GALNT17: variants seen among roughly 807,000 people sequenced by gnomAD.
GALNT17 encodes the protein polypeptide N-acetylgalactosaminyltransferase 17, also known as UDP-GalNAc:polypeptide N-acetylgalactosaminyltransferase-like 3.
Under a neutral mutation model 63.7 loss-of-function variants are expected in GALNT17, and 29 were observed. The ratio of observed to expected loss-of-function variants is 0.46; its 90% CI spans 0.34 to 0.62. The LOEUF (loss-of-function observed/expected upper bound fraction) is 0.62, where lower values mean the gene tolerates loss of function less well. Among genes scored for constraint, GALNT17 ranks in the 20% least tolerant of loss-of-function variants. The pLI is 0.01. For missense variants in GALNT17, 603 were observed against 799.6 expected (o/e 0.75, Z 2.97); for synonymous variants, 305 against 318.3 (o/e 0.96, Z 0.45).
intron 3 of GALNT17, among the ~76,000 whole-genome samples, chr7:71,411,210 C>T (rs112702415): frequency 0.045 from 6,912 of 151,942 alleles, 559 homozygotes; most frequent in African/African-American, 0.16. Context: ...AACCCCTGCC[C>T]CCTGGGTTCA....
Position 71,571,313 on chromosome 7 carries a change from G to T in GALNT17, c.991G>T (p.Val331Leu). ...CCCAGCCATGATAGGCTGCTCGTTC[G>T]TGGTCAACAGGAAGTTCTTCGGTGA... Reference protein sequence around the residue: ...RTPAMIGCSFVVNRKFFGEIG... With the variant: ...RTPAMIGCSFLVNRKFFGEIG... The change falls in exon 6 of 11, where the codon GTG (valine) becomes TTG (leucine). Residue 331 changes from valine (V) to leucine (L), a missense_variant. Around this residue, in one of 3 missense-constraint regions of GALNT17, gnomAD observed 336 missense variants for 507.8 expected, o/e 0.66. Coordinates refer to ENST00000333538, the MANE Select transcript of GALNT17 (RefSeq NM_022479.3). 2.5e-6 allele frequency: 4 copies of T among 1,614,032 alleles called. No individual in the cohort carries two copies. Among genetic ancestry groups the T allele is most frequent in the Non-Finnish European group, 3.4e-6 (4 of 1,179,936 alleles).
At chr7:71,419,557 G>C (rs1188997526) in intron 4 of GALNT17, among the ~76,000 whole-genome samples, 1 of 152,210 alleles carries the variant, frequency 6.6e-6, no homozygotes, top group Non-Finnish European at 1.5e-5. Context: ...ATAAGGTGGG[G>C]AAAATGATCT....
intron 9 of GALNT17, among the ~76,000 whole-genome samples, chr7:71,702,624 T>C (rs912008773): frequency 6.6e-6 from 1 of 152,114 alleles, no homozygotes; most frequent in African/African-American, 2.4e-5. Context: ...TTAAATAATA[T>C]AGTATTTTAA....
intron 1 of GALNT17, among the ~76,000 whole-genome samples, chr7:71,178,651 T>C (rs540613994): frequency 2.6e-5 from 4 of 152,226 alleles, no homozygotes; most frequent in Non-Finnish European, 5.9e-5. Context: ...CAGATGCTTC[T>C]GCTATCTTTG....
At chr7:71,294,535 T>C (rs147697739) in intron 1 of GALNT17, among the ~76,000 whole-genome samples, 2,811 of 150,426 alleles carry the variant, frequency 0.019, 30 homozygotes, top group Middle Eastern at 0.034. Context: ...ATGCCTCAGC[T>C]TCCCAAGTAG....
chr7:71,517,321 C>G (rs562426121), intron 5 of GALNT17, among the ~76,000 whole-genome samples: 12 of 152,228 alleles, frequency 7.9e-5, no homozygotes, highest in Admixed American at 4.6e-4. Flanking sequence ...ATCATTGGGG[C>G]CCCACTCACA....
chr7:71,500,437 G>A (rs1323074697), intron 5 of GALNT17, among the ~76,000 whole-genome samples: 2 of 152,180 alleles, frequency 1.3e-5, no homozygotes, highest in African/African-American at 4.8e-5. Context: ...ACCATCATGA[G>A]TGACTTTGGT....
chr7:71,488,811 GC>G (rs1787956632), intron 5 of GALNT17, among the ~76,000 whole-genome samples: 1 of 147,848 alleles, frequency 6.8e-6, no homozygotes, highest in African/African-American at 2.5e-5. Flanking sequence ...CGAATTCCTG[GC>G]CTCAAGTGAT....
intron 1 of GALNT17, among the ~76,000 whole-genome samples, chr7:71,225,912 G>GAGACAAGTT (rs1789671841): frequency 1.3e-5 from 2 of 152,148 alleles, no homozygotes; most frequent in Non-Finnish European, 2.9e-5. Flanking sequence ...GTTAAAAAAA[G>GAGACAAGTT]AGACAAGTTA....
intron 6 of GALNT17, among the ~76,000 whole-genome samples, chr7:71,622,507 G>C (rs559198901): frequency 5.9e-5 from 9 of 152,172 alleles, no homozygotes; most frequent in Admixed American, 5.2e-4. Flanking sequence ...TGTCTCTCTC[G>C]GCTTCTGCTG....
At chr7:71,442,854 T>TGG (rs1563096271) in intron 5 of GALNT17, among the ~76,000 whole-genome samples, 1 of 152,098 alleles carries the variant, frequency 6.6e-6, no homozygotes, top group African/African-American at 2.4e-5. Context: ...CTGGCCTGCA[T>TGG]GGGAGGTCCT....
Position 71,506,701 on chromosome 7 carries a change from A to G in GALNT17, c.963-64584A>G, listed in dbSNP as rs567953961. Among the ~76,000 whole-genome samples the G allele has an allele frequency of 1.1e-4, 16 of 152,372 alleles. No individual in the cohort carries two copies. In the East Asian group the frequency reaches 2.5e-3, roughly 24 times the overall value. ...TCAAATCAGGGTAGTTAGCGTGTCTATCATCTCAAACATTTGTCATTTCTT... is the reference window on the plus strand; with the variant it reads ...TCAAATCAGGGTAGTTAGCGTGTCTGTCATCTCAAACATTTGTCATTTCTT... On this transcript the variant is annotated intron_variant, in intron 5 of 10. Coordinates refer to ENST00000333538, the MANE Select transcript of GALNT17 (RefSeq NM_022479.3).
intron 5 of GALNT17, among the ~76,000 whole-genome samples, chr7:71,468,603 G>A (rs73365680): frequency 0.042 from 6,304 of 151,630 alleles, 245 homozygotes; most frequent in African/African-American, 0.1. Context: ...TTTTAGTAGA[G>A]CCATAGTTTC....
intron 6 of GALNT17, among the ~76,000 whole-genome samples, chr7:71,582,740 C>T (rs1021240970): frequency 6.6e-6 from 1 of 152,076 alleles, no homozygotes; most frequent in African/African-American, 2.4e-5. Flanking sequence ...ATCGTGTGTT[C>T]TTGCTCATAA....
At chr7:71,586,446 T>A (rs140245962) in intron 6 of GALNT17, among the ~76,000 whole-genome samples, 2 of 152,348 alleles carry the variant, frequency 1.3e-5, no homozygotes, top group East Asian at 3.9e-4. Context: ...AATAATTGGG[T>A]TGTTTCCAAT....
chr7:71,570,296 C>T (rs2116875293), intron 5 of GALNT17, among the ~76,000 whole-genome samples: 1 of 152,214 alleles, frequency 6.6e-6, no homozygotes, highest in Admixed American at 6.5e-5. Context: ...TGAGGTCATG[C>T]CCTTGCCATT....
At chr7:71,321,860 T>TC (rs1791612195) in intron 1 of GALNT17, among the ~76,000 whole-genome samples, 1 of 132,270 alleles carries the variant, frequency 7.6e-6, no homozygotes, top group African/African-American at 3.0e-5. Context: ...TTTCCTTCCT[T>TC]CCTTCCTTTC....
At position 71,628,202 on chromosome 7, in the gene GALNT17, A is replaced by G. The variant is rs369776393; in HGVS notation, c.1081-37209A>G. Among the ~76,000 whole-genome samples, 27 of 152,364 alleles carry G rather than the reference A, an allele frequency of 1.8e-4. 1 individual carries two copies. The East Asian group carries it at 5.2e-3, about 29-fold the overall frequency. ...CAATGATACTTTTATAAAATATAGTAAAAGTGAATTCCTAGAAAAATAAAA... is the reference window on the plus strand; with the variant it reads ...CAATGATACTTTTATAAAATATAGTGAAAGTGAATTCCTAGAAAAATAAAA... On this transcript the variant is annotated intron_variant, in intron 6 of 10. Transcript: ENST00000333538.
intron 6 of GALNT17, among the ~76,000 whole-genome samples, chr7:71,645,967 G>T (rs1426471082): frequency 6.6e-6 from 1 of 152,146 alleles, no homozygotes; most frequent in African/African-American, 2.4e-5. Flanking sequence ...AAATTATCTG[G>T]TATCACCAGC....
Sources: gnomAD v4.1 joint callset for allele counts (sites outside exome capture counted in the v4.1 genomes callset) on GRCh38, gnomAD v4.1.1 for gene constraint, gnomAD v4.1.1 regional missense constraint, MANE v1.5 for transcripts, NCBI Gene and HGNC (gene_info 2026-07-23, HGNC 2026-07-21) for gene names.